The following TMEM272 variants were observed in gnomAD, a reference collection of about 807,000 sequenced individuals.
TMEM272 encodes long intergenic non-protein coding RNA 282.
Under a neutral mutation model 3.7 loss-of-function variants are expected in TMEM272, and 8 were observed. That is an observed-to-expected ratio of 2.17 (90% CI 1.27 to 3.91). The LOEUF (loss-of-function observed/expected upper bound fraction) is 3.91. Among genes scored for constraint, TMEM272 ranks in the 30% most tolerant of loss-of-function variants. The pLI, the probability that TMEM272 is intolerant of heterozygous loss-of-function variation, is 0.00. For synonymous variants in TMEM272, 63 were observed against 39.8 expected (o/e 1.58, Z -2.20); for missense variants, 166 against 91.5 (o/e 1.81, Z -3.32).
At chr13:51,822,567 C>T (rs1259021011) in intron 3 of TMEM272, among the ~76,000 whole-genome samples, 2 of 151,948 alleles carry the variant, frequency 1.3e-5, no homozygotes, top group East Asian at 3.9e-4. Flanking sequence ...TGTGACTCTG[C>T]GTGAATGAGG....
chr13:51,907,690 C>T, the TMEM272 span, among the ~76,000 whole-genome samples: 97 of 152,338 alleles, frequency 6.4e-4, 2 homozygotes, highest in East Asian at 0.012. Context: ...CCTCCCTATT[C>T]GGTGCTGCAT....
chr13:51,849,637 C>A (rs568051820), upstream of TMEM272, among the ~76,000 whole-genome samples: 1 of 151,184 alleles, frequency 6.6e-6, no homozygotes, highest in Non-Finnish European at 1.5e-5. Context: ...CCAATTTCAG[C>A]GGTCGCAGAG....
intron 1 of TMEM272, among the ~76,000 whole-genome samples, chr13:51,842,705 A>G (rs939793899): frequency 6.6e-6 from 1 of 152,274 alleles, no homozygotes; most frequent in South Asian, 2.1e-4. Context: ...AATCAGGCAC[A>G]TTAAGTGAAC....
At chr13:51,931,299 CAAA>C in the TMEM272 span, among the ~76,000 whole-genome samples, 445 of 118,978 alleles carry the variant, frequency 3.7e-3, 1 homozygote, top group African/African-American at 0.013. Flanking sequence ...GAGTTCGTCT[CAAA>C]AAAAAAAAAA....
At chr13:51,871,839 CACACAA>C in the TMEM272 span, among the ~76,000 whole-genome samples, 30 of 118,198 alleles carry the variant, frequency 2.5e-4, no homozygotes, top group Middle Eastern at 3.8e-3. Flanking sequence ...CACACACACA[CACACAA>C]ACAGAGACGC....
chr13:51,932,828 G>A, the TMEM272 span: 15 of 151,934 alleles, frequency 9.9e-5, no homozygotes, highest in African/African-American at 3.4e-4. Flanking sequence ...TGAACACAAC[G>A]TTTATGGTCC....
the TMEM272 span, among the ~76,000 whole-genome samples, chr13:51,911,170 A>G: frequency 6.6e-6 from 1 of 152,212 alleles, no homozygotes; most frequent in Admixed American, 6.5e-5. Flanking sequence ...ATTATGCCCC[A>G]TGGTAAATTG....
intron 3 of TMEM272, among the ~76,000 whole-genome samples, chr13:51,825,656 C>G (rs1419078155): frequency 7.0e-6 from 1 of 143,388 alleles, no homozygotes; most frequent in African/African-American, 2.6e-5. Context: ...TTTTTGGAGA[C>G]AGGGTCTCAG....
chr13:51,928,744 T>G, the TMEM272 span, among the ~76,000 whole-genome samples: 1 of 152,210 alleles, frequency 6.6e-6, no homozygotes, highest in South Asian at 2.1e-4. Flanking sequence ...ACCAGGGTAT[T>G]AGCTTTGTAA....
rs1042656073 is a variant in TMEM272 at position 51,814,878 on chromosome 13, C to T, written c.*1873G>A. On this transcript the variant is annotated 3_prime_UTR_variant, in exon 5 of 5. Transcript: ENST00000629372. ...CATCTGCTAACAGAAATCTTCATGC[C>T]CATGGTTGTTCACAGCTCTTTCCGC... 6.6e-6 allele frequency: 1 copy of T among 152,592 alleles called. No homozygotes were observed. The highest frequency in any genetic ancestry group is 1.5e-5 in the Non-Finnish European group (1 of 68,098). 9.5% of individuals were successfully genotyped at this position (152,592 alleles called of 1,614,324 possible).
At chr13:51,863,255 G>C in the TMEM272 span, among the ~76,000 whole-genome samples, 1 of 152,212 alleles carries the variant, frequency 6.6e-6, no homozygotes, top group Non-Finnish European at 1.5e-5. Flanking sequence ...AAGCAAGCTG[G>C]AGTTGGGCTG....
At chr13:51,919,334 A>G in the TMEM272 span, among the ~76,000 whole-genome samples, 1 of 152,222 alleles carries the variant, frequency 6.6e-6, no homozygotes, top group African/African-American at 2.4e-5. Flanking sequence ...ACCAGTGCTG[A>G]CATTTTGGTA....
the TMEM272 span, among the ~76,000 whole-genome samples, chr13:51,852,471 G>C: frequency 6.6e-6 from 1 of 152,210 alleles, no homozygotes; most frequent in Non-Finnish European, 1.5e-5. Flanking sequence ...GGTGTGGCTA[G>C]AAACAGTTCT....
chr13:51,924,577 G>A, the TMEM272 span, among the ~76,000 whole-genome samples: 1 of 152,088 alleles, frequency 6.6e-6, no homozygotes, highest in Non-Finnish European at 1.5e-5. Flanking sequence ...CAGAGAATGG[G>A]GCAGAGAGGG....
chr13:51,845,390 G>A (rs149454339), upstream of TMEM272, among the ~76,000 whole-genome samples: 1,083 of 152,236 alleles, frequency 7.1e-3, 11 homozygotes, highest in African/African-American at 0.025. Flanking sequence ...CTAAACCTAG[G>A]GACTTAGTTC....
At position 51,838,240 on chromosome 13, in the gene TMEM272, A is replaced by G. The variant is rs147165764; in HGVS notation, c.58+233T>C. 8.7e-4 allele frequency among the ~76,000 whole-genome samples: 133 copies of G among 152,302 alleles called. 2 individuals are homozygous for G. Among genetic ancestry groups the G allele is most frequent in the African/African-American group, 3.1e-3 (129 of 41,562 alleles). On this transcript the variant is annotated intron_variant, in intron 2 of 4. Coordinates refer to ENST00000629372, the MANE Select transcript of TMEM272 (RefSeq NM_001351003.2). ...CATGCATATTTTTCAAACACATATT[A>G]CATGGAAAACACATACAGTGAACTA...
At chr13:51,893,399 A>G in the TMEM272 span, among the ~76,000 whole-genome samples, 1 of 152,242 alleles carries the variant, frequency 6.6e-6, no homozygotes, top group Non-Finnish European at 1.5e-5. Context: ...TCTGTGCTGA[A>G]GTATTGTCCC....
At chr13:51,910,038 T>C in the TMEM272 span, 3 of 1,430,572 alleles carry the variant, frequency 2.1e-6, no homozygotes, top group African/African-American at 2.8e-5. Context: ...TTGAAATCCC[T>C]TGAAGGTCAT....
chr13:51,841,367 G>A (rs1416509200), intron 1 of TMEM272, among the ~76,000 whole-genome samples: 1 of 152,210 alleles, frequency 6.6e-6, no homozygotes, highest in Non-Finnish European at 1.5e-5. Flanking sequence ...AGTCGCCACT[G>A]ATTTACAAAC....
Sources: gnomAD v4.1 joint callset for allele counts (sites outside exome capture counted in the v4.1 genomes callset) on GRCh38, gnomAD v4.1.1 for gene constraint, MANE v1.5 for transcripts, NCBI Gene and HGNC (gene_info 2026-07-23, HGNC 2026-07-21) for gene names.